VSTM2B: variants seen among roughly 807,000 people sequenced by gnomAD.
VSTM2B encodes the protein V-set and transmembrane domain containing 2B.
VSTM2B carries 24 observed loss-of-function variants against 24.0 expected under a neutral mutation model. The ratio of observed to expected loss-of-function variants is 1.00; its 90% CI spans 0.72 to 1.40. The LOEUF (loss-of-function observed/expected upper bound fraction) is 1.40. Among genes scored for constraint, VSTM2B ranks in the 40% most tolerant of loss-of-function variants. The pLI is 0.00. For missense variants in VSTM2B, 399 were observed against 416.4 expected (o/e 0.96, Z 0.36); for synonymous variants, 226 against 194.4 (o/e 1.16, Z -1.35).
In VSTM2B at chr19:29,526,674, G is replaced by T; in HGVS notation, c.82+9G>T. 3 of 1,527,214 alleles carry T rather than the reference G, an allele frequency of 2.0e-6. No individual in the cohort carries two copies. Among genetic ancestry groups the T allele is most frequent in the East Asian group, 2.5e-5 (1 of 40,040 alleles). 94.6% of individuals were successfully genotyped at this position (1,527,214 alleles called of 1,614,324 possible). A position where few individuals can be genotyped will look rare whatever the true frequency, so the allele number is the denominator to read the frequency against. ...GCTCTTCGTGGCCGACGGTGAGCGC[G>T]GGAACTTTGCTGCCGCTGTGGACTC... On this transcript the variant is annotated intron_variant, in intron 1 of 4. Coordinates refer to ENST00000335523, the MANE Select transcript of VSTM2B (RefSeq NM_001146339.2). This position sits in a 1 kb window ranked among gnomAD's most constrained non-coding sequence, Gnocchi z 4.1.
intron 4 of VSTM2B, among the ~76,000 whole-genome samples, chr19:29,550,543 T>TA (rs1970254685): frequency 6.6e-6 from 1 of 152,138 alleles, no homozygotes; most frequent in Non-Finnish European, 1.5e-5. Context: ...CCTCCATGGT[T>TA]GTCCTCATGG....
At chr19:29,535,550 A>G (rs1234894807) in intron 4 of VSTM2B, among the ~76,000 whole-genome samples, 1 of 152,136 alleles carries the variant, frequency 6.6e-6, no homozygotes, top group Non-Finnish European at 1.5e-5. Flanking sequence ...ATAATGAGAG[A>G]AAGACAGCCA....
chr19:29,529,897 G>C lies in VSTM2B; in HGVS notation c.376G>C (p.Glu126Gln), dbSNP rs1398975625. 3.2e-6 allele frequency: 5 copies of C among 1,550,208 alleles called. No homozygotes were observed. The highest frequency in any genetic ancestry group is 4.4e-6 in the Non-Finnish European group (5 of 1,146,896). ...GCGGCTGCAGGACGAGGGCGTGTAC[G>C]AGTGCCGCGTGTCGGACTACAGCGA... ...AVRLQDEGVYECRVSDYSDDD... is the reference protein window; with the variant it reads ...AVRLQDEGVYQCRVSDYSDDD... The change falls in exon 4 of 5, where the codon GAG becomes CAG. Residue 126 changes from glutamate (E) to glutamine (Q), a missense_variant. Glu to Gln is a conservative substitution (Grantham distance 29). Coordinates refer to ENST00000335523, the MANE Select transcript of VSTM2B (RefSeq NM_001146339.2).
At chr19:29,544,091 G>A (rs947580710) in intron 4 of VSTM2B, among the ~76,000 whole-genome samples, 1 of 150,870 alleles carries the variant, frequency 6.6e-6, no homozygotes, top group Non-Finnish European at 1.5e-5. Flanking sequence ...AGTTTATATA[G>A]TTCTCCTGTG....
chr19:29,543,138 G>A (rs1035036597), intron 4 of VSTM2B, among the ~76,000 whole-genome samples: 2 of 152,184 alleles, frequency 1.3e-5, no homozygotes. Context: ...AATTAATGTA[G>A]ATATGTTTTT....
At chr19:29,556,377 A>T (rs185991461) in intron 4 of VSTM2B, among the ~76,000 whole-genome samples, 3 of 152,328 alleles carry the variant, frequency 2.0e-5, no homozygotes, top group Non-Finnish European at 4.4e-5. Context: ...TATTGATGGA[A>T]CATACCTCAA....
Position 29,526,999 on chromosome 19 carries a change from G to A in VSTM2B, c.83-212G>A, listed in dbSNP as rs934084454. On this transcript the variant is annotated intron_variant, in intron 1 of 4. Coordinates refer to ENST00000335523, the MANE Select transcript of VSTM2B (RefSeq NM_001146339.2). The surrounding 1 kb of genome is among the most constrained non-coding windows in gnomAD (Gnocchi z 4.1). Reference sequence around the variant, plus strand: ...CGCCCCTGCCGCCCCGCCCCATCCGGAGGGAAGCAGTAGGCAGCCGATGGC... The same window carrying A: ...CGCCCCTGCCGCCCCGCCCCATCCGAAGGGAAGCAGTAGGCAGCCGATGGC... The A allele has an allele frequency of 7.8e-6, 4 of 514,038 alleles. No individual in the cohort carries two copies. The highest frequency in any genetic ancestry group is 1.3e-5 in the Non-Finnish European group (4 of 296,808). The allele number at this position is 514,038 out of a possible 1,614,324, so 31.8% of individuals were successfully genotyped here. A position where few individuals can be genotyped will look rare whatever the true frequency, so the allele number is the denominator to read the frequency against.
chr19:29,563,341 C>A (rs182953826), intron 4 of VSTM2B, among the ~76,000 whole-genome samples: 8 of 151,598 alleles, frequency 5.3e-5, no homozygotes, highest in Admixed American at 3.9e-4. Context: ...CAGCCTCCAA[C>A]TCTTGGTCTC....
intron 4 of VSTM2B, among the ~76,000 whole-genome samples, chr19:29,560,624 G>A (rs1410682260): frequency 6.6e-6 from 1 of 152,190 alleles, no homozygotes; most frequent in Non-Finnish European, 1.5e-5. Flanking sequence ...GCCTCCAGGA[G>A]CCAATGCTGC....
rs138495401 is a variant in VSTM2B, at chr19:29,558,464, C to T, written c.770-5382C>T. 8.7e-3 allele frequency among the ~76,000 whole-genome samples: 1,319 copies of T among 152,198 alleles called. 29 individuals are homozygous for T. The highest frequency in any genetic ancestry group is 0.03 in the African/African-American group (1,243 of 41,522). On this transcript the variant is annotated intron_variant, in intron 4 of 4. Coordinates refer to ENST00000335523, the MANE Select transcript of VSTM2B (RefSeq NM_001146339.2). ...AGCAAAGACATGGAATCAACCCAAA[C>T]GCCCATCAACCATAGACTGGATAAA...
chr19:29,526,492 GC>G lies in VSTM2B; in HGVS notation c.-91del, dbSNP rs1969569761. The G allele has an allele frequency of 4.4e-6, 4 of 913,032 alleles. No homozygotes were observed. The highest frequency in any genetic ancestry group is 2.8e-5 in the South Asian group (1 of 35,462). 56.6% of individuals were successfully genotyped at this position (913,032 alleles called of 1,614,324 possible). ...GCGCGGGGCCATGGCAGGCTCGGAG[GC>G]GTCCTAGCCCGAGCCGGAGCCGATC... On this transcript the variant is annotated 5_prime_UTR_variant, in exon 1 of 5. An upstream open reading frame in the 5' UTR loses its in-frame stop. Transcript: ENST00000335523. The surrounding 1 kb of genome is among the most constrained non-coding windows in gnomAD (Gnocchi z 4.1).
Position 29,530,082 on chromosome 19 carries a change from C to A in VSTM2B, c.561C>A (p.Ala187=), listed in dbSNP as rs1599875858. 6 of 1,498,078 alleles carry A rather than the reference C, an allele frequency of 4.0e-6. No individual in the cohort carries two copies. The East Asian group carries it at 1.1e-4, about 27-fold the overall frequency. 92.8% of individuals were successfully genotyped at this position (1,498,078 alleles called of 1,614,324 possible). A position where few individuals can be genotyped will look rare whatever the true frequency, so the allele number is the denominator to read the frequency against. ...CCGCCAACGCCAACAACGCGGGCGC[C>A]GCGAGCCGTACCACCTCCGAGCCCG... ...ASAANANNAG[A]ASRTTSEPGR... is the part of the protein sequence containing the mutation. The change falls in exon 4 of 5, where the codon GCC becomes GCA. Residue 187 remains alanine, a synonymous_variant. Transcript: ENST00000335523.
chr19:29,551,432 G>T (rs2145501985), intron 4 of VSTM2B, among the ~76,000 whole-genome samples: 1 of 151,672 alleles, frequency 6.6e-6, no homozygotes, highest in Non-Finnish European at 1.5e-5. Flanking sequence ...AAGCTGCTGG[G>T]CTGGCACCTT....
In VSTM2B at chr19:29,526,881, C is replaced by A. The variant is rs1017705068; in HGVS notation, c.82+216C>A. The A allele has an allele frequency of 4.0e-6, 2 of 497,472 alleles. No homozygotes were observed. The highest frequency in any genetic ancestry group is 3.9e-5 in the Admixed American group (1 of 25,736). 30.8% of individuals were successfully genotyped at this position (497,472 alleles called of 1,614,324 possible). A position where few individuals can be genotyped will look rare whatever the true frequency, so the allele number is the denominator to read the frequency against. On this transcript the variant is annotated intron_variant, in intron 1 of 4. Transcript: ENST00000335523. This position sits in a 1 kb window ranked among gnomAD's most constrained non-coding sequence, Gnocchi z 4.1. ...AGTCGTTCCCAGTCCCGCCGGGGCCCCGGCTGCGGAAAGGATGCCTGCGGG... is the reference window on the plus strand; with the variant it reads ...AGTCGTTCCCAGTCCCGCCGGGGCCACGGCTGCGGAAAGGATGCCTGCGGG...
intron 4 of VSTM2B, among the ~76,000 whole-genome samples, chr19:29,542,514 T>C (rs955023074): frequency 7.3e-5 from 11 of 150,856 alleles, no homozygotes; most frequent in African/African-American, 2.7e-4. Context: ...GATAGGTAGA[T>C]GGATGGGAGA....
At position 29,529,961 on chromosome 19, in the gene VSTM2B, G is replaced by T. The variant is rs1168481655; in HGVS notation, c.440G>T (p.Arg147Leu). 1 of 1,547,934 alleles carries T rather than the reference G, an allele frequency of 6.5e-7. No homozygotes were observed. The highest frequency in any genetic ancestry group is 8.7e-7 in the Non-Finnish European group (1 of 1,146,640). ...TQEHKAQAMLRVLSRFAPPNM... is the reference protein window; with the variant it reads ...TQEHKAQAMLLVLSRFAPPNM... The stretch of plus-strand genomic sequence containing the variant: ...GAGCACAAGGCCCAGGCGATGCTGC[G>T]CGTGCTCTCGCGCTTCGCGCCGCCC... Residue 147 changes from arginine (R) to leucine (L), a missense_variant, in exon 4 of 5, where the codon CGC becomes CTC. By Grantham distance (102) the Arg-to-Leu change is moderately radical. Coordinates refer to ENST00000335523, the MANE Select transcript of VSTM2B (RefSeq NM_001146339.2).
rs779033217 is a variant in VSTM2B at position 29,527,342 on chromosome 19, C to T, written c.214C>T (p.Pro72Ser). Residue 72 changes from proline to serine, a missense_variant, in exon 2 of 5, where the codon CCC (proline) becomes TCC (serine). Coordinates refer to ENST00000335523, the MANE Select transcript of VSTM2B (RefSeq NM_001146339.2). The part of the protein sequence containing the change: ...EIQWWYLKEP[P>S]RELLHELALS... ...TCAGTGGTGGTACCTCAAGGAGCCA[C>T]CCCGGGAGCTGCTGCACGAGCTGGC... The T allele has an allele frequency of 8.9e-5, 138 of 1,548,290 alleles. 1 individual carries two copies. Among genetic ancestry groups the T allele is most frequent in the Middle Eastern group, 3.3e-4 (2 of 5,980 alleles).
At chr19:29,545,721 C>T (rs2145492170) in intron 4 of VSTM2B, among the ~76,000 whole-genome samples, 1 of 152,270 alleles carries the variant, frequency 6.6e-6, no homozygotes, top group African/African-American at 2.4e-5. Flanking sequence ...TTTCTTTATC[C>T]AGCCCACCGT....
intron 1 of VSTM2B, 46 bp from the exon 2 acceptor site, chr19:29,527,165 C>T: frequency 1.3e-6 from 2 of 1,511,102 alleles, no homozygotes; most frequent in East Asian, 2.5e-5. Flanking sequence ...GCCCCAGGCC[C>T]CCGACCTACA....
Sources: gnomAD v4.1 joint callset for allele counts (sites outside exome capture counted in the v4.1 genomes callset) on GRCh38, gnomAD v4.1.1 for gene constraint, Gnocchi (gnomAD v3.1) non-coding constraint, MANE v1.5 for transcripts, NCBI Gene and HGNC (gene_info 2026-07-23, HGNC 2026-07-21) for gene names.